SHISA9: variants seen among roughly 807,000 people sequenced by gnomAD.
SHISA9 encodes shisa family member 9.
A neutral mutation model predicts 38.0 loss-of-function variants in SHISA9; 13 were observed. That is an observed-to-expected ratio of 0.34 (90% confidence interval 0.22 to 0.54). SHISA9 has a LOEUF of 0.54. Among genes scored for constraint, SHISA9 ranks in the 20% least tolerant of loss-of-function variants. The probability of loss-of-function intolerance (pLI) is 0.91; values close to 1 mark genes in which losing one functional copy is unlikely to be tolerated. For synonymous variants in SHISA9, 275 were observed against 242.0 expected, an observed-to-expected ratio of 1.14 and a Z score of -1.27; for missense variants, 538 against 575.8, an observed-to-expected ratio of 0.93 and a Z score of 0.67.
the SHISA9 span, among the ~76,000 whole-genome samples, chr16:13,529,875 T>C: frequency 6.6e-6 from 1 of 152,244 alleles, no homozygotes; most frequent in Non-Finnish European, 1.5e-5. Flanking sequence ...GTAACCTGAT[T>C]GATCTGGAGG....
chr16:13,245,712 T>C, the SHISA9 span, among the ~76,000 whole-genome samples: 1 of 152,198 alleles, frequency 6.6e-6, no homozygotes, highest in Non-Finnish European at 1.5e-5. Flanking sequence ...GATTCAACCT[T>C]AAGCTCTGGC....
At chr16:13,450,110 C>G in the SHISA9 span, among the ~76,000 whole-genome samples, 117 of 152,168 alleles carry the variant, frequency 7.7e-4, no homozygotes, top group East Asian at 0.011. Context: ...GAGGGAGACT[C>G]TGTGTAAAAA....
chr16:13,067,291 A>G (rs1392257948), intron 2 of SHISA9, among the ~76,000 whole-genome samples: 1 of 152,206 alleles, frequency 6.6e-6, no homozygotes, highest in Non-Finnish European at 1.5e-5. Context: ...CCTAGAAGGA[A>G]CCTAGATGGG....
At chr16:13,341,320 A>G in the SHISA9 span, among the ~76,000 whole-genome samples, 1 of 152,182 alleles carries the variant, frequency 6.6e-6, no homozygotes, top group Non-Finnish European at 1.5e-5. Context: ...TTTTCTGCAG[A>G]TTCAATAAAA....
At chr16:12,978,413 C>T (rs8057841) in intron 2 of SHISA9, among the ~76,000 whole-genome samples, 26,224 of 152,114 alleles carry the variant, frequency 0.17, 2,497 homozygotes, top group African/African-American at 0.23. Context: ...TAACTGATGT[C>T]TGAATATTAT....
At chr16:13,479,616 C>T in the SHISA9 span, among the ~76,000 whole-genome samples, 1 of 152,122 alleles carries the variant, frequency 6.6e-6, no homozygotes, top group Non-Finnish European at 1.5e-5. Flanking sequence ...TCATTATTCA[C>T]CTGTTAACTC....
intron 2 of SHISA9, among the ~76,000 whole-genome samples, chr16:12,968,006 A>G (rs1218708085): frequency 1.3e-5 from 2 of 152,018 alleles, no homozygotes; most frequent in Admixed American, 6.6e-5. Flanking sequence ...CCTGGCCAAC[A>G]TGGTGAAACC....
the SHISA9 span, among the ~76,000 whole-genome samples, chr16:13,371,175 T>G: frequency 6.6e-5 from 10 of 152,216 alleles, no homozygotes; most frequent in African/African-American, 2.4e-4. Context: ...ACTACAAAGC[T>G]ACTATGTAGC....
chr16:13,518,875 G>A, the SHISA9 span, among the ~76,000 whole-genome samples: 15 of 152,188 alleles, frequency 9.9e-5, no homozygotes, highest in African/African-American at 3.6e-4. Flanking sequence ...TCATTCCATG[G>A]TGGGAGGTGG....
At chr16:13,361,270 G>A in the SHISA9 span, among the ~76,000 whole-genome samples, 1 of 152,090 alleles carries the variant, frequency 6.6e-6, no homozygotes, top group African/African-American at 2.4e-5. Context: ...CTTTTATTTT[G>A]TCTTGAATAA....
At chr16:13,297,385 G>A in the SHISA9 span, among the ~76,000 whole-genome samples, 4 of 152,252 alleles carry the variant, frequency 2.6e-5, no homozygotes, top group African/African-American at 4.8e-5. Context: ...AACTTAGATC[G>A]TGGAGCCTTT....
At chr16:13,271,814 G>T in the SHISA9 span, among the ~76,000 whole-genome samples, 1 of 152,106 alleles carries the variant, frequency 6.6e-6, no homozygotes, top group Admixed American at 6.6e-5. Context: ...GGGTGTGGTG[G>T]CTCACGCCTG....
chr16:12,973,519 C>G (rs2072113572), intron 2 of SHISA9, among the ~76,000 whole-genome samples: 3 of 152,112 alleles, frequency 2.0e-5, no homozygotes, highest in Admixed American at 1.3e-4. Context: ...ATTTGGCAGA[C>G]AACTGGGAGG....
chr16:13,169,126 C>T (rs953922971), intron 2 of SHISA9, among the ~76,000 whole-genome samples: 6 of 152,178 alleles, frequency 3.9e-5, no homozygotes, highest in African/African-American at 1.4e-4. Context: ...ATAATACCCG[C>T]CCCTGGGTTT....
At chr16:13,404,977 G>A in the SHISA9 span, among the ~76,000 whole-genome samples, 1 of 152,046 alleles carries the variant, frequency 6.6e-6, no homozygotes, top group Admixed American at 6.6e-5. Flanking sequence ...CCATTCAAAC[G>A]TTACCTCCTA....
At chr16:13,445,796 A>G in the SHISA9 span, among the ~76,000 whole-genome samples, 3 of 152,094 alleles carry the variant, frequency 2.0e-5, no homozygotes, top group African/African-American at 7.2e-5. Flanking sequence ...TTTACCACTT[A>G]CCAGTTATGT....
the SHISA9 span, chr16:13,331,350 AC>A: frequency 6.6e-6 from 1 of 152,072 alleles, no homozygotes; most frequent in Middle Eastern, 3.2e-3. Context: ...TCTGATGGAA[AC>A]ATTTTAAAAA....
the SHISA9 span, among the ~76,000 whole-genome samples, chr16:13,515,173 G>A: frequency 6.6e-6 from 1 of 152,054 alleles, no homozygotes; most frequent in East Asian, 1.9e-4. Flanking sequence ...ATGTTGTTGT[G>A]AAACTACAAG....
the SHISA9 span, among the ~76,000 whole-genome samples, chr16:13,269,804 G>A: frequency 7.9e-5 from 12 of 152,158 alleles, no homozygotes; most frequent in African/African-American, 2.9e-4. Context: ...GCCTCAGAGA[G>A]GTGATATAAC....
Sources: allele counts gnomAD v4.1 joint callset (sites outside exome capture counted in the v4.1 genomes callset), GRCh38; gene constraint gnomAD v4.1.1; transcripts MANE v1.5; gene names NCBI Gene and HGNC (gene_info 2026-07-23, HGNC 2026-07-21).